The following MAD1L1 variants were observed in gnomAD, a reference collection of about 807,000 sequenced individuals.
MAD1L1 encodes mitotic arrest deficient 1 like 1, also known as mitotic spindle assembly checkpoint protein MAD1.
In MAD1L1, 95 loss-of-function variants were observed where a neutral mutation model predicts 96.9. The ratio of observed to expected loss-of-function variants is 0.98; its 90% CI spans 0.83 to 1.16. MAD1L1 has a LOEUF of 1.16. Ranked by LOEUF, MAD1L1 falls within the 50% of genes most tolerant of loss-of-function variation. The pLI is 0.00. For synonymous variants in MAD1L1, 473 were observed against 396.6 expected (o/e 1.19, Z -2.29); for missense variants, 1,007 against 954.4 (o/e 1.06, Z -0.73).
chr7:2,136,423 C>T (rs974989070), intron 11 of MAD1L1, among the ~76,000 whole-genome samples: 3 of 152,180 alleles, frequency 2.0e-5, no homozygotes, highest in Admixed American at 6.5e-5. Context: ...CAGGGGGACA[C>T]GTGTGGAGTG....
At chr7:2,222,075 CTTT>C (rs570570176) in intron 5 of MAD1L1, among the ~76,000 whole-genome samples, 1 of 141,692 alleles carries the variant, frequency 7.1e-6, no homozygotes, top group Non-Finnish European at 1.6e-5. Context: ...AAGTGCTTAA[CTTT>C]TTTTTTTTTT....
At chr7:2,133,035 G>C (rs1170733795) in intron 11 of MAD1L1, among the ~76,000 whole-genome samples, 1 of 152,188 alleles carries the variant, frequency 6.6e-6, no homozygotes, top group African/African-American at 2.4e-5. Context: ...CGCCTGTTCA[G>C]AGCTCACCCA....
At chr7:2,065,131 G>C (rs952447686) in intron 12 of MAD1L1, among the ~76,000 whole-genome samples, 8 of 152,258 alleles carry the variant, frequency 5.3e-5, no homozygotes, top group Admixed American at 3.9e-4. Context: ...GAAGAACATG[G>C]AACTCTTCTG....
chr7:2,178,552 G>C (rs1000063001), intron 10 of MAD1L1, among the ~76,000 whole-genome samples: 1 of 152,168 alleles, frequency 6.6e-6, no homozygotes, highest in African/African-American at 2.4e-5. Flanking sequence ...CAAATGTACA[G>C]GTAGAAAACA....
intron 12 of MAD1L1, among the ~76,000 whole-genome samples, chr7:2,067,744 C>T (rs1784946161): frequency 6.6e-6 from 1 of 152,266 alleles, no homozygotes; most frequent in African/African-American, 2.4e-5. Flanking sequence ...TCTCCCTCCG[C>T]CGTGGTTCTC....
chr7:1,960,070 T>C (rs1583920640), intron 15 of MAD1L1, among the ~76,000 whole-genome samples: 1 of 151,722 alleles, frequency 6.6e-6, no homozygotes, highest in Non-Finnish European at 1.5e-5. Flanking sequence ...GGCTGTAAGG[T>C]GATTATACTG....
chr7:2,091,844 A>G (rs1250117222), intron 11 of MAD1L1, among the ~76,000 whole-genome samples: 1 of 152,018 alleles, frequency 6.6e-6, no homozygotes, highest in African/African-American at 2.4e-5. Flanking sequence ...CTCACTGAAC[A>G]GGATTCCATT....
chr7:2,010,171 T>C (rs867743476), intron 13 of MAD1L1, among the ~76,000 whole-genome samples: 8 of 145,718 alleles, frequency 5.5e-5, no homozygotes, highest in Admixed American at 1.4e-4. Context: ...CACTCACAAG[T>C]ATTGGGCCTG....
chr7:2,167,993 AC>A (rs1790519769), intron 10 of MAD1L1, among the ~76,000 whole-genome samples: 1 of 151,916 alleles, frequency 6.6e-6, no homozygotes, highest in Non-Finnish European at 1.5e-5. Flanking sequence ...AGAGTAAAGA[AC>A]AGTAAATTGG....
intron 18 of MAD1L1, among the ~76,000 whole-genome samples, chr7:1,861,838 C>T (rs1784547444): frequency 1.2e-5 from 1 of 84,004 alleles, no homozygotes; most frequent in African/African-American, 4.8e-5. Context: ...GACACTGCTC[C>T]GCCTGCCCCC....
At chr7:2,173,635 T>C (rs1790815147) in intron 10 of MAD1L1, among the ~76,000 whole-genome samples, 1 of 152,190 alleles carries the variant, frequency 6.6e-6, no homozygotes, top group South Asian at 2.1e-4. Context: ...CACTTCCTGC[T>C]CTGAGGACTG....
intron 10 of MAD1L1, among the ~76,000 whole-genome samples, chr7:2,180,955 G>A (rs1022395392): frequency 1.3e-5 from 2 of 152,152 alleles, no homozygotes; most frequent in African/African-American, 2.4e-5. Context: ...GAGAAAGCAC[G>A]TATCCTGTCT....
intron 14 of MAD1L1, among the ~76,000 whole-genome samples, chr7:1,988,216 C>T (rs909218362): frequency 2.6e-5 from 4 of 152,156 alleles, no homozygotes; most frequent in African/African-American, 7.2e-5. Flanking sequence ...CCTGACATGG[C>T]GGAGGGCCCA....
At chr7:1,993,696 A>T (rs539865858) in intron 14 of MAD1L1, among the ~76,000 whole-genome samples, 1 of 152,378 alleles carries the variant, frequency 6.6e-6, no homozygotes, top group African/African-American at 2.4e-5. Flanking sequence ...TCTAAAATGC[A>T]GATGATCCTT....
chr7:2,031,511 A>T (rs1489961046), intron 12 of MAD1L1, among the ~76,000 whole-genome samples: 1 of 152,230 alleles, frequency 6.6e-6, no homozygotes, highest in Non-Finnish European at 1.5e-5. Flanking sequence ...CTCTATGACA[A>T]ATTCCACTTC....
rs375252625 is a variant in MAD1L1, at chr7:1,913,126, G to A, written c.1808-14736C>T. On this transcript the variant is annotated intron_variant, in intron 17 of 18. Coordinates refer to ENST00000265854, the MANE Select transcript of MAD1L1 (RefSeq NM_001013836.2). ...CTCCTGTCTCTTTTCCCCTTTTGGA[G>A]ATGTGGCAGTCTATGAAAACCTGCT... Among the ~76,000 whole-genome samples, 6 of 152,322 alleles carry A rather than the reference G, an allele frequency of 3.9e-5. No homozygotes were observed. In the South Asian group the frequency reaches 6.2e-4, roughly 16 times the overall value.
intron 14 of MAD1L1, among the ~76,000 whole-genome samples, chr7:1,996,175 G>C (rs543129276): frequency 1.3e-5 from 2 of 149,122 alleles, no homozygotes; most frequent in African/African-American, 4.9e-5. Context: ...GTCTACACAC[G>C]GCTGCTGGGC....
chr7:2,040,904 A>G (rs1388633451), intron 12 of MAD1L1, among the ~76,000 whole-genome samples: 2 of 152,232 alleles, frequency 1.3e-5, no homozygotes, highest in African/African-American at 2.4e-5. Flanking sequence ...CATTCAGCCA[A>G]TGCTGATTTA....
chr7:1,966,893 C>T (rs1042528122), intron 15 of MAD1L1, among the ~76,000 whole-genome samples: 5 of 152,224 alleles, frequency 3.3e-5, no homozygotes, highest in African/African-American at 1.2e-4. Flanking sequence ...CGGACCCACC[C>T]GAGGGAAACC....
Sources: allele counts gnomAD v4.1 joint callset (sites outside exome capture counted in the v4.1 genomes callset), GRCh38; gene constraint gnomAD v4.1.1; transcripts MANE v1.5; gene names NCBI Gene and HGNC (gene_info 2026-07-23, HGNC 2026-07-21).